WDR72: variants seen among roughly 807,000 people sequenced by gnomAD.
The protein encoded by WDR72 is WD repeat domain 72, also known as WD repeat-containing protein 72.
A neutral mutation model predicts 124.2 loss-of-function variants in WDR72; 120 were observed. The ratio of observed to expected loss-of-function variants is 0.97; its 90% confidence interval spans 0.83 to 1.12. The LOEUF is 1.12. WDR72 is among the 50% of genes most tolerant of loss of function. The pLI is 0.00. For missense variants in WDR72, 1,387 were observed against 1,278.8 expected, an observed-to-expected ratio of 1.08 and a Z score of -1.29; for synonymous variants, 452 against 441.7, an observed-to-expected ratio of 1.02 and a Z score of -0.29.
chr15:53,629,126 C>T (rs1271337067), intron 14 of WDR72, among the ~76,000 whole-genome samples: 3 of 151,566 alleles, frequency 2.0e-5, no homozygotes, highest in African/African-American at 7.3e-5. Flanking sequence ...AGACTAAAGG[C>T]CTTGACAAGG....
chr15:53,756,418 G>A lies in WDR72; in HGVS notation c.-13+3215C>T, dbSNP rs1174034291. On this transcript the variant is annotated intron_variant, in intron 1 of 19. Coordinates refer to ENST00000360509, the MANE Select transcript of WDR72 (RefSeq NM_182758.4). ...GTCTTAGAGCAGTGTCCTTAGAGCA[G>A]TATGAGAAAGGACTAATACATGGGC... 4.6e-5 allele frequency among the ~76,000 whole-genome samples: 7 copies of A among 152,258 alleles called. 1 individual carries two copies. The highest frequency in any genetic ancestry group is 1.3e-4 in the Admixed American group (2 of 15,288).
intron 14 of WDR72, among the ~76,000 whole-genome samples, chr15:53,620,701 G>T (rs2013957716): frequency 6.6e-6 from 1 of 152,164 alleles, no homozygotes; most frequent in East Asian, 1.9e-4. Flanking sequence ...AATTCTAGAA[G>T]ATAACATTGG....
At chr15:53,623,245 T>G (rs2140380536) in intron 14 of WDR72, among the ~76,000 whole-genome samples, 1 of 152,146 alleles carries the variant, frequency 6.6e-6, no homozygotes, top group Admixed American at 6.5e-5. Context: ...CAATAGTTGG[T>G]TTTTCAACCC....
chr15:53,689,859 G>A (rs191694143), intron 13 of WDR72, among the ~76,000 whole-genome samples: 10,272 of 150,892 alleles, frequency 0.068, 908 homozygotes, highest in African/African-American at 0.2. Context: ...AATGTTGCAC[G>A]TATACACCAT....
intron 1 of WDR72, among the ~76,000 whole-genome samples, chr15:53,758,058 G>T (rs772192835): frequency 8.6e-5 from 13 of 151,890 alleles, no homozygotes; most frequent in Admixed American, 3.3e-4. Context: ...CTGGAGTACA[G>T]TGAAGCATGC....
At chr15:53,737,202 G>T (rs1251410768) in intron 1 of WDR72, among the ~76,000 whole-genome samples, 3 of 152,158 alleles carry the variant, frequency 2.0e-5, no homozygotes, top group Non-Finnish European at 2.9e-5. Context: ...AACACAAGAT[G>T]CTACTGGACT....
chr15:53,722,743 G>A (rs1193325625), intron 3 of WDR72, 59 bp downstream of exon 3: 8 of 1,449,892 alleles, frequency 5.5e-6, no homozygotes, highest in Admixed American at 1.7e-5. Context: ...GTATTCCATT[G>A]TAGTTTTTAA....
At chr15:53,594,619 A>C (rs2012674824) in intron 18 of WDR72, among the ~76,000 whole-genome samples, 1 of 121,280 alleles carries the variant, frequency 8.2e-6, no homozygotes, top group Non-Finnish European at 1.6e-5. Flanking sequence ...TGTACTAAAA[A>C]TAAAAATTAA....
At chr15:53,579,553 A>G (rs1400521749) in intron 18 of WDR72, among the ~76,000 whole-genome samples, 1 of 152,084 alleles carries the variant, frequency 6.6e-6, no homozygotes, top group Non-Finnish European at 1.5e-5. Context: ...AATACTAAAT[A>G]AAGACCACCA....
intron 13 of WDR72, among the ~76,000 whole-genome samples, chr15:53,698,260 C>T (rs974713472): frequency 6.6e-6 from 1 of 152,150 alleles, no homozygotes; most frequent in Non-Finnish European, 1.5e-5. Flanking sequence ...CATAAACACT[C>T]GTGAGTGCCC....
At chr15:53,546,927 G>A (rs2140272130) in intron 18 of WDR72, among the ~76,000 whole-genome samples, 1 of 152,298 alleles carries the variant, frequency 6.6e-6, no homozygotes, top group South Asian at 2.1e-4. Flanking sequence ...ACTTGGTAGT[G>A]ATAGAAAGAG....
chr15:53,534,825 G>T (rs556814196), intron 18 of WDR72, among the ~76,000 whole-genome samples: 1 of 152,078 alleles, frequency 6.6e-6, no homozygotes, highest in Non-Finnish European at 1.5e-5. Context: ...TTGTTGTTTT[G>T]CCCAAGTTCC....
chr15:53,554,886 C>G (rs62005905), intron 18 of WDR72, among the ~76,000 whole-genome samples: 28 of 151,966 alleles, frequency 1.8e-4, no homozygotes, highest in Middle Eastern at 3.4e-3. Context: ...ACAAAAACCC[C>G]GATTTGTACT....
chr15:53,713,660 G>T (rs2017619132), intron 6 of WDR72, among the ~76,000 whole-genome samples: 1 of 151,650 alleles, frequency 6.6e-6, no homozygotes, highest in Non-Finnish European at 1.5e-5. Flanking sequence ...GTTTCACCAT[G>T]TTGGACAGGC....
At chr15:53,679,350 T>G (rs4573882) in intron 13 of WDR72, among the ~76,000 whole-genome samples, 19 of 152,084 alleles carry the variant, frequency 1.2e-4, no homozygotes, top group Non-Finnish European at 2.4e-4. Flanking sequence ...TTGTTTATAT[T>G]TTACCACAAT....
intron 13 of WDR72, among the ~76,000 whole-genome samples, chr15:53,667,763 G>A (rs914782928): frequency 3.3e-5 from 5 of 152,078 alleles, no homozygotes; most frequent in African/African-American, 9.7e-5. Flanking sequence ...GAATTATTGG[G>A]AAAGAACTTA....
chr15:53,672,312 TA>T lies in WDR72; in HGVS notation c.1766-6545del, dbSNP rs5812704. Among the ~76,000 whole-genome samples the T allele has an allele frequency of 5.2e-4, 71 of 136,444 alleles. 2 individuals are homozygous for T. Among genetic ancestry groups the T allele is most frequent in the African/African-American group, 1.8e-3 (67 of 36,820 alleles). The allele number at this position is 136,444 out of a possible 152,430, so 89.5% of individuals were successfully genotyped here. On this transcript the variant is annotated intron_variant, in intron 13 of 19. Transcript: ENST00000360509. ...ACATAGGTGAGGATTAAATGCCGATTAAAAAAAAAAAAAAGCCACTCCAAGT... is the reference window on the plus strand; with the variant it reads ...ACATAGGTGAGGATTAAATGCCGATTAAAAAAAAAAAAAGCCACTCCAAGT...
chr15:53,655,415 T>G (rs771612028), intron 14 of WDR72, among the ~76,000 whole-genome samples: 5 of 152,032 alleles, frequency 3.3e-5, no homozygotes, highest in Non-Finnish European at 7.4e-5. Context: ...CCTCTTAGAT[T>G]TGGGGAGATG....
At chr15:53,548,928 G>A (rs1770039277) in intron 18 of WDR72, among the ~76,000 whole-genome samples, 1 of 151,952 alleles carries the variant, frequency 6.6e-6, no homozygotes, top group African/African-American at 2.4e-5. Context: ...GAGAAGACTG[G>A]GAATGAAAGG....
Sources: gnomAD v4.1 joint callset for allele counts (sites outside exome capture counted in the v4.1 genomes callset) on GRCh38, gnomAD v4.1.1 for gene constraint, MANE v1.5 for transcripts, NCBI Gene and HGNC (gene_info 2026-07-23, HGNC 2026-07-21) for gene names.